ZMAT4: variants seen among roughly 807,000 people sequenced by gnomAD.
The protein encoded by ZMAT4 is zinc finger matrin-type 4, also known as zinc finger matrin-type protein 4.
ZMAT4 carries 17 observed loss-of-function variants against 28.7 expected under a neutral mutation model. The observed-to-expected ratio is 0.59, with a 90% confidence interval of 0.41 to 0.89. The LOEUF (loss-of-function observed/expected upper bound fraction) is 0.89, where lower values mean the gene tolerates loss of function less well. ZMAT4 is among the 40% of genes least tolerant of loss of function. ZMAT4 has a pLI of 0.00. For synonymous variants in ZMAT4, 117 were observed against 109.2 expected, an observed-to-expected ratio of 1.07 and a Z score of -0.44; for missense variants, 240 against 283.8, an observed-to-expected ratio of 0.85 and a Z score of 1.11.
intron 2 of ZMAT4, among the ~76,000 whole-genome samples, chr8:40,777,109 T>C (rs1328220112): frequency 6.6e-6 from 1 of 152,104 alleles, no homozygotes; most frequent in East Asian, 1.9e-4. Flanking sequence ...AGAACAACAG[T>C]GTACAACTTT....
chr8:40,822,645 G>A (rs1815872473), intron 2 of ZMAT4, among the ~76,000 whole-genome samples: 1 of 152,168 alleles, frequency 6.6e-6, no homozygotes, highest in South Asian at 2.1e-4. Flanking sequence ...CAAAGCTGGG[G>A]AGGCCGGAAA....
At chr8:40,652,861 C>CTCATACT (rs1327328294) in intron 5 of ZMAT4, among the ~76,000 whole-genome samples, 1 of 30,828 alleles carries the variant, frequency 3.2e-5, no homozygotes, top group East Asian at 2.2e-3. Context: ...CATATTCTCA[C>CTCATACT]TCATAGGTGG....
rs142720729 is a variant in ZMAT4 at position 40,670,264 on chromosome 8, G to A, written c.577+4440C>T. 1.5e-3 allele frequency among the ~76,000 whole-genome samples: 223 copies of A among 152,194 alleles called. 1 individual carries two copies. Among genetic ancestry groups the A allele is most frequent in the African/African-American group, 5.1e-3 (213 of 41,522 alleles). On this transcript the variant is annotated intron_variant, in intron 5 of 6. Transcript: ENST00000297737. Reference sequence around the variant, plus strand: ...CACAATCAAAAGATGTTCAACAAAGGTCATTCACAGCAATTTGATGAGGAA... The same window carrying A: ...CACAATCAAAAGATGTTCAACAAAGATCATTCACAGCAATTTGATGAGGAA...
chr8:40,593,601 T>A (rs1804965973), intron 5 of ZMAT4, among the ~76,000 whole-genome samples: 1 of 152,196 alleles, frequency 6.6e-6, no homozygotes, highest in South Asian at 2.1e-4. Context: ...TTCACCAACC[T>A]CCACTTTAGA....
At chr8:40,787,603 T>C (rs374401689) in intron 2 of ZMAT4, among the ~76,000 whole-genome samples, 2 of 152,352 alleles carry the variant, frequency 1.3e-5, no homozygotes, top group South Asian at 2.1e-4. Context: ...ATATCTGAGT[T>C]GCCAGCAACA....
intron 6 of ZMAT4, among the ~76,000 whole-genome samples, chr8:40,535,469 G>C (rs1034116303): frequency 8.5e-5 from 13 of 152,222 alleles, no homozygotes; most frequent in African/African-American, 2.9e-4. Context: ...AAGAGATCGA[G>C]ACCATCCTGG....
intron 5 of ZMAT4, among the ~76,000 whole-genome samples, chr8:40,634,996 A>G (rs1806737556): frequency 6.6e-6 from 1 of 152,160 alleles, no homozygotes; most frequent in Non-Finnish European, 1.5e-5. Flanking sequence ...ATCCAATTAT[A>G]TGTCTCCATT....
At chr8:40,646,173 A>T (rs904618918) in intron 5 of ZMAT4, among the ~76,000 whole-genome samples, 6 of 151,862 alleles carry the variant, frequency 4.0e-5, no homozygotes, top group Non-Finnish European at 7.4e-5. Flanking sequence ...ACTTATAATT[A>T]ATGTAACTAC....
At chr8:40,686,225 A>AT (rs1809399742) in intron 4 of ZMAT4, among the ~76,000 whole-genome samples, 2 of 152,122 alleles carry the variant, frequency 1.3e-5, no homozygotes, top group Non-Finnish European at 2.9e-5. Context: ...CTTAAAAAAA[A>AT]AATCACAGGC....
chr8:40,664,936 A>T (rs1808344147), intron 5 of ZMAT4, among the ~76,000 whole-genome samples: 1 of 152,248 alleles, frequency 6.6e-6, no homozygotes, highest in African/African-American at 2.4e-5. Flanking sequence ...GACATGACTA[A>T]GATGTCCACT....
At position 40,767,662 on chromosome 8, in the gene ZMAT4, G is replaced by T. The variant is rs1813219988; in HGVS notation, c.171C>A (p.Ala57=). The T allele has an allele frequency of 6.2e-7, 1 of 1,612,988 alleles. No homozygotes were observed. ...TCACATTTTCTGACCGGAGCCTCTT[G>T]GCAGGACACCCTCCATCCCTGGGGT... The part of the protein sequence containing the change: ...MLHPRDGGCP[A]KRLRSENGSD... The change falls in exon 3 of 7, where the codon GCC becomes GCA. Residue 57 remains alanine (A), a synonymous_variant. Coordinates refer to ENST00000297737, the MANE Select transcript of ZMAT4 (RefSeq NM_024645.3).
chr8:40,624,752 G>A (rs1320059195), intron 5 of ZMAT4, among the ~76,000 whole-genome samples: 2 of 152,136 alleles, frequency 1.3e-5, no homozygotes, highest in Non-Finnish European at 2.9e-5. Context: ...TTGCTGAAGA[G>A]GTAAAGCAAA....
chr8:40,708,625 T>TAAGTTAGGA (rs1810470666), intron 3 of ZMAT4, among the ~76,000 whole-genome samples: 1 of 136,964 alleles, frequency 7.3e-6, no homozygotes, highest in Admixed American at 7.7e-5. Flanking sequence ...GAAGCTCTGT[T>TAAGTTAGGA]AAGTTAGGAA....
chr8:40,884,637 C>T (rs1818393171), intron 1 of ZMAT4: 1 of 152,306 alleles, frequency 6.6e-6, no homozygotes. Flanking sequence ...TTTGACCCAG[C>T]AGATCACTAC....
chr8:40,572,589 C>G (rs1054482603), intron 6 of ZMAT4, among the ~76,000 whole-genome samples: 1 of 151,990 alleles, frequency 6.6e-6, no homozygotes, highest in Non-Finnish European at 1.5e-5. Flanking sequence ...GGGAATTGTT[C>G]ATTAATCTAT....
At chr8:40,812,720 C>G (rs947129599) in intron 2 of ZMAT4, among the ~76,000 whole-genome samples, 7 of 152,106 alleles carry the variant, frequency 4.6e-5, no homozygotes, top group African/African-American at 1.7e-4. Flanking sequence ...CACCTGAGGT[C>G]AGGAGTTTGA....
chr8:40,728,180 T>C (rs1281612494), intron 3 of ZMAT4, among the ~76,000 whole-genome samples: 1 of 152,164 alleles, frequency 6.6e-6, no homozygotes, highest in Non-Finnish European at 1.5e-5. Flanking sequence ...ATTACAATAA[T>C]GGTTTAGAGG....
At chr8:40,854,795 G>A (rs1165237960) in intron 1 of ZMAT4, among the ~76,000 whole-genome samples, 3 of 152,126 alleles carry the variant, frequency 2.0e-5, no homozygotes, top group Admixed American at 6.6e-5. Context: ...CCCTGCCTGG[G>A]TACTGGTAGT....
chr8:40,581,713 A>G (rs913558774), intron 5 of ZMAT4, among the ~76,000 whole-genome samples: 3 of 152,228 alleles, frequency 2.0e-5, no homozygotes, highest in Non-Finnish European at 4.4e-5. Context: ...TGTTTCTTCT[A>G]GGATTATTTT....
Sources: allele counts gnomAD v4.1 joint callset (sites outside exome capture counted in the v4.1 genomes callset), GRCh38; gene constraint gnomAD v4.1.1; transcripts MANE v1.5; gene names NCBI Gene and HGNC (gene_info 2026-07-23, HGNC 2026-07-21).